Variants in SHANK2 observed in about 807,000 individuals in gnomAD.
SHANK2 encodes the protein SH3 and multiple ankyrin repeat domains 2.
SHANK2 carries 43 observed loss-of-function variants against 133.7 expected under a neutral mutation model. The observed-to-expected ratio is 0.32, with a 90% CI of 0.25 to 0.41. SHANK2 has a LOEUF of 0.41. Ranked by LOEUF, SHANK2 falls within the 10% of genes least tolerant of loss-of-function variation. SHANK2 has a pLI of 1.00. For synonymous variants in SHANK2, 1,017 were observed against 952.8 expected (o/e 1.07, Z -1.24); for missense variants, 1,994 against 2,235.8 (o/e 0.89, Z 2.18).
chr11:71,123,629 T>G (rs1305570240), intron 3 of SHANK2, among the ~76,000 whole-genome samples: 3 of 152,206 alleles, frequency 2.0e-5, no homozygotes, highest in Non-Finnish European at 4.4e-5. Flanking sequence ...CTTGGTCATG[T>G]CAAGTTCTCC....
At chr11:70,494,158 C>T (rs1555156576) in intron 21 of SHANK2, among the ~76,000 whole-genome samples, 1 of 152,146 alleles carries the variant, frequency 6.6e-6, no homozygotes, top group Non-Finnish European at 1.5e-5. Context: ...TGTGATGGCC[C>T]CTCAACCTTG....
intron 11 of SHANK2, chr11:70,826,546 T>A (rs1948643435): frequency 2.1e-6 from 1 of 470,978 alleles, no homozygotes; most frequent in Non-Finnish European, 4.4e-6. Flanking sequence ...TATATAACCT[T>A]CCTGGATGGG....
chr11:71,113,359 T>A lies in SHANK2; in HGVS notation c.417A>T (p.Arg139=). The change falls in exon 5 of 26, where the codon CGA becomes CGT. Residue 139 remains arginine (R), a synonymous_variant. Coordinates refer to ENST00000601538, the MANE Select transcript of SHANK2 (RefSeq NM_012309.5). The stretch of plus-strand genomic sequence containing the variant: ...CTTGTTTATACACCCGCTTCTTGTA[T>A]CGAAACTGGCACAGAAAACAAAAAA... ...VGEGVPSLEF[R]YKKRVYKQAS... 1 of 1,551,658 alleles carries A rather than the reference T, an allele frequency of 6.4e-7. No individual in the cohort carries two copies.
At position 71,188,700 on chromosome 11, in the gene SHANK2, T is replaced by C. The variant is rs572983107; in HGVS notation, c.-13+35997A>G. ...GGTGCTAGAGTGCCCTGCTCACTCA[T>C]CTGTCGCCCACCACACCTCTCCTCA... On this transcript the variant is annotated intron_variant, in intron 2 of 25. Coordinates refer to ENST00000601538, the MANE Select transcript of SHANK2 (RefSeq NM_012309.5). This position sits in a 1 kb window ranked among gnomAD's most constrained non-coding sequence, Gnocchi z 4.6. 4.6e-5 allele frequency among the ~76,000 whole-genome samples: 7 copies of C among 152,312 alleles called. No homozygotes were observed. In the East Asian group the frequency reaches 9.7e-4, roughly 21 times the overall value.
intron 25 of SHANK2, among the ~76,000 whole-genome samples, chr11:70,484,476 C>G (rs2058774722): frequency 6.6e-6 from 1 of 152,120 alleles, no homozygotes; most frequent in South Asian, 2.1e-4. Context: ...CAAGCAGAAG[C>G]CAACATCATG....
intron 17 of SHANK2, among the ~76,000 whole-genome samples, chr11:70,556,835 G>A (rs541810214): frequency 3.9e-5 from 6 of 151,902 alleles, no homozygotes; most frequent in South Asian, 2.1e-4. Flanking sequence ...CAAGTGATCC[G>A]CCCGCCTTGG....
At chr11:71,068,873 T>TGATTACCATCACCATCAC (rs1951103749) in intron 9 of SHANK2, among the ~76,000 whole-genome samples, 1 of 150,858 alleles carries the variant, frequency 6.6e-6, no homozygotes, top group African/African-American at 2.4e-5. Flanking sequence ...ATCACCATCA[T>TGATTACCATCACCATCAC]CATGATTACC....
At chr11:71,139,090 C>T (rs1952503184) in intron 3 of SHANK2, among the ~76,000 whole-genome samples, 1 of 152,146 alleles carries the variant, frequency 6.6e-6, no homozygotes, top group African/African-American at 2.4e-5. Flanking sequence ...CTGGAAGATG[C>T]ACGTGCTTTA....
chr11:70,685,845 A>G (rs1313725797), intron 15 of SHANK2, among the ~76,000 whole-genome samples: 1 of 152,102 alleles, frequency 6.6e-6, no homozygotes. Context: ...AGTGCTGACA[A>G]TGTACCAAGT....
At chr11:70,920,967 C>T (rs1020320614) in intron 10 of SHANK2, among the ~76,000 whole-genome samples, 1 of 152,166 alleles carries the variant, frequency 6.6e-6, no homozygotes, top group South Asian at 2.1e-4. Context: ...GGCCCTTAAA[C>T]ACCAGTTTCG....
At chr11:70,660,032 C>A (rs2061461671) in intron 16 of SHANK2, 80 bp from the exon 17 acceptor site, 9 of 1,590,418 alleles carry the variant, frequency 5.7e-6, no homozygotes, top group Non-Finnish European at 7.7e-6. Flanking sequence ...CCACAGGACC[C>A]CGGGAGGAAG....
chr11:70,809,922 C>T (rs1352289186), intron 12 of SHANK2, among the ~76,000 whole-genome samples: 3 of 152,230 alleles, frequency 2.0e-5, no homozygotes, highest in African/African-American at 7.2e-5. Flanking sequence ...GTCACAGACT[C>T]CTGGGGGCAC....
intron 13 of SHANK2, among the ~76,000 whole-genome samples, chr11:70,802,592 T>C (rs1590698021): frequency 6.6e-6 from 1 of 152,312 alleles, no homozygotes; most frequent in Middle Eastern, 3.4e-3. Flanking sequence ...ATGGTGTTCT[T>C]GAATCCACAT....
intron 8 of SHANK2, among the ~76,000 whole-genome samples, chr11:71,080,463 C>T (rs982381969): frequency 9.9e-5 from 15 of 152,194 alleles, no homozygotes; most frequent in South Asian, 6.2e-4. Flanking sequence ...GCAAGAGGAA[C>T]GGCGCCACCT....
intron 14 of SHANK2, among the ~76,000 whole-genome samples, chr11:70,747,711 A>T (rs1388202475): frequency 1.3e-5 from 2 of 152,218 alleles, no homozygotes; most frequent in African/African-American, 2.4e-5. Flanking sequence ...GTGTGTGTGC[A>T]TGCTTGCTGC....
At chr11:70,852,495 C>A (rs1467465456) in intron 11 of SHANK2, among the ~76,000 whole-genome samples, 2 of 152,130 alleles carry the variant, frequency 1.3e-5, no homozygotes, top group Admixed American at 6.5e-5. Flanking sequence ...CAGGACACTG[C>A]CACAGTCTGC....
At chr11:71,061,058 A>G (rs1268987572) in intron 9 of SHANK2, among the ~76,000 whole-genome samples, 10 of 152,266 alleles carry the variant, frequency 6.6e-5, no homozygotes, top group Admixed American at 6.5e-4. Flanking sequence ...AGAGTTTCAA[A>G]AACAGAAAGC....
At chr11:70,800,655 AG>A (rs1948023991) in intron 13 of SHANK2, among the ~76,000 whole-genome samples, 1 of 152,200 alleles carries the variant, frequency 6.6e-6, no homozygotes, top group African/African-American at 2.4e-5. Context: ...GCCACATCCC[AG>A]GTGACCAGGA....
At chr11:70,945,799 G>T (rs1054303055) in intron 10 of SHANK2, among the ~76,000 whole-genome samples, 4 of 152,136 alleles carry the variant, frequency 2.6e-5, no homozygotes, top group Admixed American at 2.6e-4. Context: ...GGTTATGGGG[G>T]AAGAGCTCGA....
Sources: gnomAD v4.1 joint callset for allele counts (sites outside exome capture counted in the v4.1 genomes callset) on GRCh38, gnomAD v4.1.1 for gene constraint, Gnocchi (gnomAD v3.1) non-coding constraint, MANE v1.5 for transcripts, NCBI Gene and HGNC (gene_info 2026-07-23, HGNC 2026-07-21) for gene names.